The following IMMP2L variants were observed in gnomAD, a reference collection of about 807,000 sequenced individuals.
The protein encoded by IMMP2L is mitochondrial inner membrane protease subunit 2.
Under a neutral mutation model 19.3 loss-of-function variants are expected in IMMP2L, and 18 were observed. The observed-to-expected ratio is 0.93, with a 90% CI of 0.64 to 1.38. The LOEUF is 1.38. IMMP2L is among the 40% of genes most tolerant of loss of function. The probability of loss-of-function intolerance (pLI) is 0.00; values close to 1 mark genes in which losing one functional copy is unlikely to be tolerated. For missense variants in IMMP2L, 233 were observed against 218.2 expected (o/e 1.07, Z -0.43); for synonymous variants, 76 against 73.0 (o/e 1.04, Z -0.21).
intron 3 of IMMP2L, among the ~76,000 whole-genome samples, chr7:111,193,059 T>C (rs761840825): frequency 6.6e-6 from 1 of 151,892 alleles, no homozygotes; most frequent in Non-Finnish European, 1.5e-5. Flanking sequence ...GATGCATAAA[T>C]GGAGATATTG....
chr7:111,149,888 T>TC (rs1172380000), intron 3 of IMMP2L, among the ~76,000 whole-genome samples: 3 of 152,166 alleles, frequency 2.0e-5, no homozygotes, highest in African/African-American at 7.2e-5. Context: ...AAGCAACTCA[T>TC]CAAATTTTTA....
At chr7:111,059,856 G>C (rs1017011938) in intron 3 of IMMP2L, among the ~76,000 whole-genome samples, 1 of 149,054 alleles carries the variant, frequency 6.7e-6, no homozygotes, top group African/African-American at 2.5e-5. Context: ...TTCAGGGTAT[G>C]AATATATAAA....
intron 3 of IMMP2L, among the ~76,000 whole-genome samples, chr7:111,438,542 G>C (rs934305388): frequency 1.3e-5 from 2 of 151,698 alleles, no homozygotes; most frequent in African/African-American, 4.9e-5. Context: ...CTGTTTCCTG[G>C]GAAATTTAAT....
intron 1 of IMMP2L, among the ~76,000 whole-genome samples, chr7:111,553,445 G>C (rs1266732038): frequency 2.6e-5 from 4 of 152,222 alleles, no homozygotes; most frequent in South Asian, 2.1e-4. Flanking sequence ...TCCAAAATAA[G>C]TCCATTTGTG....
rs114237838 is a variant in IMMP2L at position 111,026,574 on chromosome 7, C to A, written c.240-63009G>T. Among the ~76,000 whole-genome samples the A allele has an allele frequency of 3.8e-3, 573 of 152,108 alleles. 4 individuals are homozygous for A. Among genetic ancestry groups the A allele is most frequent in the African/African-American group, 0.013 (555 of 41,520 alleles). On this transcript the variant is annotated intron_variant, in intron 3 of 5. Transcript: ENST00000405709. ...ACTTTCCATTTACATATAAATAGCTCGGAAATTCCAACACCAATGTACTTG... is the reference window on the plus strand; with the variant it reads ...ACTTTCCATTTACATATAAATAGCTAGGAAATTCCAACACCAATGTACTTG...
chr7:111,385,491 G>A lies in IMMP2L; in HGVS notation c.239+101747C>T, dbSNP rs945321160. ...GAAGTGAGTCCACAACCACACATTC[G>A]GATACTCCAAAAAGATGCCAAGTGG... On this transcript the variant is annotated intron_variant, in intron 3 of 5. Coordinates refer to ENST00000405709, the MANE Select transcript of IMMP2L (RefSeq NM_032549.4). Among the ~76,000 whole-genome samples, 13 of 152,132 alleles carry A rather than the reference G, an allele frequency of 8.5e-5. 1 individual carries two copies. The highest frequency in any genetic ancestry group is 3.9e-4 in the Admixed American group (6 of 15,262).
At chr7:111,395,552 G>C (rs1832781469) in intron 3 of IMMP2L, among the ~76,000 whole-genome samples, 1 of 152,142 alleles carries the variant, frequency 6.6e-6, no homozygotes, top group African/African-American at 2.4e-5. Context: ...CTAAAAGTGA[G>C]AAAATGAAGC....
At chr7:111,014,560 A>G (rs912759987) in intron 3 of IMMP2L, among the ~76,000 whole-genome samples, 1 of 152,150 alleles carries the variant, frequency 6.6e-6, no homozygotes, top group African/African-American at 2.4e-5. Context: ...CACAGACAAC[A>G]AAAGCAAAAA....
chr7:111,096,438 T>A (rs141112682), intron 3 of IMMP2L, among the ~76,000 whole-genome samples: 1 of 151,584 alleles, frequency 6.6e-6, no homozygotes, highest in African/African-American at 2.4e-5. Flanking sequence ...TATATCTGGA[T>A]AGATTCTTGC....
intron 4 of IMMP2L, among the ~76,000 whole-genome samples, chr7:110,951,965 T>G (rs544595733): frequency 6.6e-6 from 1 of 152,160 alleles, no homozygotes; most frequent in East Asian, 1.9e-4. Context: ...ATAGAAGAGC[T>G]GTTTCTTAAT....
chr7:110,690,982 T>C lies in IMMP2L; in HGVS notation c.409-27261A>G, dbSNP rs1793457467. Among the ~76,000 whole-genome samples, 3 of 152,018 alleles carry C rather than the reference T, an allele frequency of 2.0e-5. No individual in the cohort carries two copies. The South Asian group carries it at 6.2e-4, about 32-fold the overall frequency. ...TTAGAAAAAACAGTCCCCAAATTAA[T>C]ATGGAACCAAAAAAGAGCCCAAATA... On this transcript the variant is annotated intron_variant, in intron 5 of 5. Transcript: ENST00000405709.
chr7:111,127,103 C>T (rs1801389537), intron 3 of IMMP2L, among the ~76,000 whole-genome samples: 2 of 152,166 alleles, frequency 1.3e-5, no homozygotes, highest in African/African-American at 4.8e-5. Context: ...ATGAAACTTG[C>T]TAATTCAACG....
rs1352793345 is a variant in IMMP2L at position 110,866,900 on chromosome 7, A to T, written c.408+19693T>A. On this transcript the variant is annotated intron_variant, in intron 5 of 5. Transcript: ENST00000405709. ...TTCAAAGAACACGAAATACATTAAA[A>T]GAACCTTAAGCTATAATTACCAATT... Among the ~76,000 whole-genome samples, 4 of 152,246 alleles carry T rather than the reference A, an allele frequency of 2.6e-5. No homozygotes were observed. In the East Asian group the frequency reaches 7.7e-4, roughly 29 times the overall value.
chr7:111,344,419 G>A (rs545484821), intron 3 of IMMP2L, among the ~76,000 whole-genome samples: 86 of 152,004 alleles, frequency 5.7e-4, no homozygotes, highest in Admixed American at 4.4e-3. Flanking sequence ...GACTTTCCTT[G>A]GACACCATAT....
chr7:111,496,995 A>C (rs989333853), intron 2 of IMMP2L, among the ~76,000 whole-genome samples: 5 of 152,174 alleles, frequency 3.3e-5, no homozygotes, highest in Admixed American at 6.5e-5. Context: ...ATAATTTCTT[A>C]ATTTTTCTTT....
chr7:111,485,530 G>A (rs1469921513), intron 3 of IMMP2L, among the ~76,000 whole-genome samples: 3 of 148,574 alleles, frequency 2.0e-5, no homozygotes, highest in South Asian at 2.1e-4. Context: ...CCCAGGAGGC[G>A]GGGCTTGCAG....
At chr7:111,554,990 G>T (rs1408119228) in intron 1 of IMMP2L, among the ~76,000 whole-genome samples, 1 of 152,036 alleles carries the variant, frequency 6.6e-6, no homozygotes, top group Admixed American at 6.6e-5. Context: ...CCTTGGCGAT[G>T]ACCTTGAGAA....
intron 5 of IMMP2L, among the ~76,000 whole-genome samples, chr7:110,745,851 C>T (rs1444694805): frequency 6.6e-6 from 1 of 152,010 alleles, no homozygotes; most frequent in Non-Finnish European, 1.5e-5. Context: ...AACTAATGGG[C>T]AAAATAACCA....
intron 5 of IMMP2L, 58 bp downstream of exon 5, chr7:110,886,535 G>T: frequency 2.1e-6 from 2 of 930,500 alleles, no homozygotes; most frequent in Non-Finnish European, 3.6e-6. Flanking sequence ...ATCTGACATA[G>T]TTTTGTTCTC....
Sources: allele counts gnomAD v4.1 joint callset (sites outside exome capture counted in the v4.1 genomes callset), GRCh38; gene constraint gnomAD v4.1.1; transcripts MANE v1.5; gene names NCBI Gene and HGNC (gene_info 2026-07-23, HGNC 2026-07-21).